Variants in PDZD9 observed in about 807,000 individuals in gnomAD.
The protein encoded by PDZD9 is PDZ domain containing 9.
Under a neutral mutation model 16.3 loss-of-function variants are expected in PDZD9, and 13 were observed. The ratio of observed to expected loss-of-function variants is 0.80; its 90% CI spans 0.52 to 1.27. PDZD9 has a LOEUF of 1.27. Ranked by LOEUF, PDZD9 falls within the 50% of genes most tolerant of loss-of-function variation. The pLI is 0.00. For missense variants in PDZD9, 288 were observed against 310.9 expected (o/e 0.93, Z 0.55); for synonymous variants, 120 against 111.0 (o/e 1.08, Z -0.51).
At chr16:21,969,487 G>A in the PDZD9 span, among the ~76,000 whole-genome samples, 4 of 152,114 alleles carry the variant, frequency 2.6e-5, no homozygotes, top group East Asian at 1.9e-4. Context: ...AGCTGAGATC[G>A]TGCCACTGCA....
chr16:21,996,448 G>C lies in PDZD9; in HGVS notation c.85C>G (p.Gln29Glu), dbSNP rs994022581. The C allele has an allele frequency of 2.0e-6, 3 of 1,536,118 alleles. No homozygotes were observed. The highest frequency in any genetic ancestry group is 8.7e-7 in the Non-Finnish European group (1 of 1,146,892). Residue 29 changes from glutamine (Q) to glutamate (E), a missense_variant, in exon 2 of 4, where the codon CAG becomes GAG. Coordinates refer to ENST00000424898, the MANE Select transcript of PDZD9 (RefSeq NM_001363519.1). ...KTSVHNLSKTQQTKLTVGSLG... is the reference protein window; with the variant it reads ...KTSVHNLSKTEQTKLTVGSLG... ...CTACCCACAGTGAGTTTGGTCTGCT[G>C]TGTTTTGCTCAAGTTGTGTACAGAT... is the stretch of plus-strand genomic sequence containing the variant.
chr16:21,972,921 G>A, the PDZD9 span, among the ~76,000 whole-genome samples: 2 of 152,144 alleles, frequency 1.3e-5, no homozygotes, highest in Non-Finnish European at 2.9e-5. Context: ...CTAACACAGT[G>A]AAACCCTGTC....
At chr16:21,971,423 G>T in the PDZD9 span, 1 of 952,172 alleles carries the variant, frequency 1.1e-6, no homozygotes. Context: ...ATTTTGTAGT[G>T]TTAGGATTTT....
intron 3 of PDZD9, among the ~76,000 whole-genome samples, chr16:21,986,381 A>G (rs1490158279): frequency 6.6e-6 from 1 of 152,170 alleles, no homozygotes; most frequent in African/African-American, 2.4e-5. Flanking sequence ...TGGTCAGTCT[A>G]CCATCCTTAG....
chr16:21,965,394 C>T, the PDZD9 span: 1 of 1,612,090 alleles, frequency 6.2e-7, no homozygotes, highest in Non-Finnish European at 8.5e-7. Flanking sequence ...AATGCTTCTT[C>T]ACTTATCTCA....
chr16:21,962,470 A>C, the PDZD9 span: 5 of 1,614,164 alleles, frequency 3.1e-6, no homozygotes, highest in Non-Finnish European at 4.2e-6. Flanking sequence ...TGTGACCGCA[A>C]CAAGGGAAAA....
intron 2 of PDZD9, among the ~76,000 whole-genome samples, chr16:21,992,668 A>T (rs981241114): frequency 1.3e-5 from 2 of 152,122 alleles, no homozygotes; most frequent in East Asian, 3.8e-4. Flanking sequence ...GGACTCTTGG[A>T]CTTACACCAG....
intron 2 of PDZD9, among the ~76,000 whole-genome samples, chr16:21,992,392 A>G (rs1899045172): frequency 6.6e-6 from 1 of 152,184 alleles, no homozygotes; most frequent in Non-Finnish European, 1.5e-5. Flanking sequence ...TGTCAACTTG[A>G]TCGGTTCAAA....
chr16:21,980,529 C>A, downstream of PDZD9: 2 of 1,607,724 alleles, frequency 1.2e-6, no homozygotes, highest in Non-Finnish European at 1.7e-6. Flanking sequence ...AAACTGACTT[C>A]TGCCTTTTAT....
chr16:21,996,364 T>C lies in PDZD9; in HGVS notation c.169A>G (p.Ile57Val), dbSNP rs1227605694. The part of the protein sequence containing the change: ...HGPYLQITHL[I>V]RKGAAANDGK... ...TCGTTGGCTGCAGCCCCCTTCCTGA[T>C]GAGGTGGGTGATCTGGAGGTAGGGT... Residue 57 changes from isoleucine to valine, a missense_variant, in exon 2 of 4, where the codon ATC becomes GTC. Ile to Val is a conservative substitution (Grantham distance 29). Transcript: ENST00000424898. 6.5e-7 allele frequency: 1 copy of C among 1,536,040 alleles called. No individual in the cohort carries two copies. The highest frequency in any genetic ancestry group is 1.4e-5 in the African/African-American group (1 of 73,154).
downstream of PDZD9, among the ~76,000 whole-genome samples, chr16:21,979,376 A>C (rs1247737450): frequency 2.0e-5 from 3 of 152,214 alleles, no homozygotes; most frequent in East Asian, 5.8e-4. Context: ...ATGGGGATAC[A>C]TTCTGAGAAA....
intron 1 of PDZD9, among the ~76,000 whole-genome samples, chr16:21,997,650 G>T (rs949070779): frequency 4.6e-5 from 7 of 152,212 alleles, no homozygotes; most frequent in African/African-American, 1.4e-4. Flanking sequence ...GAGACAAGGG[G>T]TAGTGGGAGA....
the PDZD9 span, chr16:21,961,248 GA>G: frequency 5.1e-6 from 2 of 389,320 alleles, no homozygotes; most frequent in Non-Finnish European, 1.1e-5. Flanking sequence ...TGGTAATATT[GA>G]AAAACCCCAC....
rs1277215039 is a variant in PDZD9 at position 22,001,086 on chromosome 16, A to G, written c.-39T>C. On this transcript the variant is annotated 5_prime_UTR_variant, in exon 1 of 4. Transcript: ENST00000424898. ...CAGGCAGCCCGGGAGGGCCTCCCGG[A>G]GCAGAGGCTGGAGTCAGTCCCAATG... 1 of 1,503,850 alleles carries G rather than the reference A, an allele frequency of 6.6e-7. No homozygotes were observed. The highest frequency in any genetic ancestry group is 8.8e-7 in the Non-Finnish European group (1 of 1,130,176). The allele number at this position is 1,503,850 out of a possible 1,614,324, so 93.2% of individuals were successfully genotyped here. A position where few individuals can be genotyped will look rare whatever the true frequency, so the allele number is the denominator to read the frequency against.
At chr16:21,965,526 G>T in the PDZD9 span, 2 of 1,520,744 alleles carry the variant, frequency 1.3e-6, no homozygotes, top group South Asian at 2.5e-5. Flanking sequence ...AACATATTTT[G>T]AAATGTGCTT....
downstream of PDZD9, among the ~76,000 whole-genome samples, chr16:21,978,995 C>T (rs549111268): frequency 2.4e-4 from 36 of 152,194 alleles, no homozygotes; most frequent in South Asian, 4.4e-3. Context: ...ACAAGTGAAA[C>T]GATAGCATAA....
chr16:21,964,596 TA>T, the PDZD9 span, among the ~76,000 whole-genome samples: 1 of 152,186 alleles, frequency 6.6e-6, no homozygotes, highest in African/African-American at 2.4e-5. Flanking sequence ...TTCCTGTGCC[TA>T]AAATGCTGTT....
At chr16:21,962,374 C>G in the PDZD9 span, 1 of 1,497,176 alleles carries the variant, frequency 6.7e-7, no homozygotes, top group Non-Finnish European at 9.2e-7. Context: ...AATTTTCTTT[C>G]CAAAGGAATT....
chr16:21,973,914 A>G, the PDZD9 span: 1 of 1,613,092 alleles, frequency 6.2e-7, no homozygotes, highest in Non-Finnish European at 8.5e-7. Flanking sequence ...ATTTAATGCC[A>G]GTTACTCAGA....
Sources: allele counts gnomAD v4.1 joint callset (sites outside exome capture counted in the v4.1 genomes callset), GRCh38; gene constraint gnomAD v4.1.1; transcripts MANE v1.5; gene names NCBI Gene and HGNC (gene_info 2026-07-23, HGNC 2026-07-21).